VPS13A: variants seen among roughly 807,000 people sequenced by gnomAD.
The protein encoded by VPS13A is intermembrane lipid transfer protein VPS13A.
VPS13A carries 264 observed loss-of-function variants against 390.9 expected under a neutral mutation model. That is an observed-to-expected ratio of 0.68 (90% CI 0.61 to 0.75). The LOEUF (loss-of-function observed/expected upper bound fraction) is 0.75, where lower values mean the gene tolerates loss of function less well. Ranked by LOEUF, VPS13A falls within the 30% of genes least tolerant of loss-of-function variation. The pLI, the probability that VPS13A is intolerant of heterozygous loss-of-function variation, is 0.00. For synonymous variants in VPS13A, 1,231 were observed against 1,227.1 expected (o/e 1.00, Z -0.07); for missense variants, 3,409 against 3,733.9 (o/e 0.91, Z 2.27).
intron 68 of VPS13A, chr9:77,389,968 A>T: frequency 2.2e-6 from 1 of 455,738 alleles, no homozygotes; most frequent in Non-Finnish European, 2.9e-6. Flanking sequence ...AGATGTTTAT[A>T]ATTAGCTTCA....
chr9:77,248,054 A>G (rs1824927276), intron 20 of VPS13A, among the ~76,000 whole-genome samples: 2 of 152,206 alleles, frequency 1.3e-5, no homozygotes, highest in Admixed American at 1.3e-4. Context: ...CTTAAAGTAT[A>G]TAGAATGATA....
chr9:77,314,517 A>G lies in VPS13A; in HGVS notation c.4265A>G (p.Asp1422Gly), dbSNP rs1056828006. Reference protein sequence around the residue: ...PKQASFTDVRDPSLKLAEFKL... With the variant: ...PKQASFTDVRGPSLKLAEFKL... ...TAGGCTTCCTTTACAGATGTTCGTGATCCTTCTCTGAAACTTGCTGAATTT... is the reference window on the plus strand; with the variant it reads ...TAGGCTTCCTTTACAGATGTTCGTGGTCCTTCTCTGAAACTTGCTGAATTT... The change falls in exon 37 of 72, where the codon GAT (aspartate) becomes GGT (glycine). Residue 1422 changes from aspartate to glycine, a missense_variant. Physicochemically the swap from Asp to Gly is moderately conservative, Grantham distance 94. Around this residue, in one of 5 missense-constraint regions of VPS13A, gnomAD observed 2,717 missense variants for 2,917.4 expected, o/e 0.93. Coordinates refer to ENST00000360280, the MANE Select transcript of VPS13A (RefSeq NM_033305.3). The G allele has an allele frequency of 1.9e-6, 3 of 1,612,270 alleles. No homozygotes were observed. The highest frequency in any genetic ancestry group is 2.7e-5 in the African/African-American group (2 of 74,866).
chr9:77,319,622 C>G lies in VPS13A; in HGVS notation c.5364C>G (p.Pro1788=), dbSNP rs1180279422. The change falls in exon 42 of 72, where the codon CCC becomes CCG. Residue 1788 remains proline, a synonymous_variant. Coordinates refer to ENST00000360280, the MANE Select transcript of VPS13A (RefSeq NM_033305.3). ...MFGVWEPLLE[P]LEIDQTEDFR... The stretch of plus-strand genomic sequence containing the variant: ...GTGTATGGGAGCCTTTGCTTGAACC[C>G]TTAGAAATTGATCAGACTGAGGATT... 10 of 1,612,306 alleles carry G rather than the reference C, an allele frequency of 6.2e-6. No homozygotes were observed. Among genetic ancestry groups the G allele is most frequent in the Non-Finnish European group, 8.5e-6 (10 of 1,178,924 alleles).
At chr9:77,377,816 C>T (rs1833192324) in intron 67 of VPS13A, among the ~76,000 whole-genome samples, 1 of 152,110 alleles carries the variant, frequency 6.6e-6, no homozygotes, top group Non-Finnish European at 1.5e-5. Context: ...AGGGGGAAAG[C>T]TTTCAGATGT....
At chr9:77,407,716 G>A in intron 71 of VPS13A, 109 bp downstream of exon 71, 2 of 915,216 alleles carry the variant, frequency 2.2e-6, no homozygotes, top group East Asian at 2.7e-5. Flanking sequence ...TTGTTTGTTT[G>A]TTTTGCTTTT....
chr9:77,406,126 C>A, intron 70 of VPS13A, 139 bp downstream of exon 70: 1 of 1,028,528 alleles, frequency 9.7e-7, no homozygotes, highest in Non-Finnish European at 1.4e-6. Context: ...TACCTGCTAT[C>A]TTACCCAGGC....
chr9:77,305,451 T>C (rs983978058), intron 34 of VPS13A: 1 of 123,150 alleles, frequency 8.1e-6, no homozygotes, highest in Non-Finnish European at 1.8e-5. Flanking sequence ...AACATAAATA[T>C]TATGTTCCAC....
chr9:77,315,751 A>G (rs1478512208), intron 38 of VPS13A, among the ~76,000 whole-genome samples: 2 of 152,074 alleles, frequency 1.3e-5, no homozygotes, highest in African/African-American at 4.8e-5. Context: ...TGTCTAGTGG[A>G]AAAAAACAAG....
intron 68 of VPS13A, chr9:77,385,299 C>A: frequency 2.0e-6 from 1 of 489,482 alleles, no homozygotes; most frequent in Non-Finnish European, 2.7e-6. Context: ...AATTTATAGT[C>A]TGAGAATGAA....
chr9:77,370,931 C>G lies in VPS13A; in HGVS notation c.8949C>G (p.Ile2983Met), dbSNP rs764280036. The change falls in exon 66 of 72, where the codon ATC becomes ATG. Residue 2983 changes from isoleucine to methionine, a missense_variant. Transcript: ENST00000360280. ...TAACAGGAATTGTTACAAAACCAAT[C>G]AAAGGCAAGTATAGTAGTTCCTTTG... ...SGITGIVTKP[I>M]KGAQKGGAAG... 1 of 1,613,968 alleles carries G rather than the reference C, an allele frequency of 6.2e-7. No individual in the cohort carries two copies. The highest frequency in any genetic ancestry group is 1.7e-5 in the Admixed American group (1 of 60,018).
chr9:77,206,021 A>C lies in VPS13A; in HGVS notation c.327A>C (p.Glu109Asp). The change falls in exon 5 of 72, where the codon GAA (glutamate) becomes GAC (aspartate). Residue 109 changes from glutamate to aspartate, a missense_variant. Coordinates refer to ENST00000360280, the MANE Select transcript of VPS13A (RefSeq NM_033305.3). ...DPLKEEKQLM[E>D]AKQQELKRIE... The stretch of plus-strand genomic sequence containing the variant: ...TAAAAGAAGAGAAACAACTCATGGA[A>C]GCAAAGCAACAGGAACTGAAAAGAA... 1 of 1,584,970 alleles carries C rather than the reference A, an allele frequency of 6.3e-7. No homozygotes were observed.
chr9:77,346,444 A>C (rs1198768418), intron 52 of VPS13A, among the ~76,000 whole-genome samples: 1 of 152,134 alleles, frequency 6.6e-6, no homozygotes, highest in Non-Finnish European at 1.5e-5. Flanking sequence ...TCGGATGCAT[A>C]GTTTGCAAAT....
In VPS13A at chr9:77,210,613, T is replaced by C. The variant is rs768562676; in HGVS notation, c.496-3T>C. The C allele has an allele frequency of 2.7e-5, 43 of 1,613,476 alleles. No individual in the cohort carries two copies. The South Asian group carries it at 4.6e-4, about 17-fold the overall frequency. Reference sequence around the variant, plus strand: ...AATAAATTTTACTTTCTTTCCTCTTTAGATCACAAATCGGGACAAACCGCT... The same window carrying C: ...AATAAATTTTACTTTCTTTCCTCTTCAGATCACAAATCGGGACAAACCGCT... On this transcript the variant is annotated splice_region_variant and splice_polypyrimidine_tract_variant and intron_variant, in intron 6 of 71. Transcript: ENST00000360280.
At chr9:77,403,180 C>T in intron 68 of VPS13A, 56 bp from the exon 69 acceptor site, 2 of 1,277,922 alleles carry the variant, frequency 1.6e-6, no homozygotes, top group Non-Finnish European at 2.3e-6. Context: ...GCATTGTTTG[C>T]ATTACAGTAG....
intron 3 of VPS13A, among the ~76,000 whole-genome samples, chr9:77,202,584 A>G (rs891383984): frequency 2.0e-5 from 3 of 152,122 alleles, no homozygotes; most frequent in East Asian, 1.9e-4. Flanking sequence ...ACATATTTTT[A>G]TATAACTTTT....
intron 17 of VPS13A, among the ~76,000 whole-genome samples, 166 bp from the exon 18 acceptor site, chr9:77,237,836 C>G (rs1824243270): frequency 6.6e-6 from 1 of 152,096 alleles, no homozygotes; most frequent in African/African-American, 2.4e-5. Context: ...GTGAATTAAT[C>G]TATGTCAATT....
chr9:77,278,229 C>T (rs915291298), intron 26 of VPS13A, among the ~76,000 whole-genome samples: 14 of 146,806 alleles, frequency 9.5e-5, no homozygotes, highest in Middle Eastern at 6.9e-3. Flanking sequence ...CGCCACCACG[C>T]CCAGCTAATT....
chr9:77,339,822 G>A lies in VPS13A; in HGVS notation c.6685G>A (p.Ala2229Thr), dbSNP rs1167199350. The A allele has an allele frequency of 6.2e-7, 1 of 1,614,034 alleles. No homozygotes were observed. The highest frequency in any genetic ancestry group is 8.5e-7 in the Non-Finnish European group (1 of 1,179,958). ...NKTGRMLQYK[A>T]DGIHRKHPPN... is the part of the protein sequence containing the mutation. ...AACTGGCCGCATGTTACAGTACAAA[G>A]CAGACGGAATTCATCGAAAGCATCC... Residue 2229 changes from alanine (A) to threonine (T), a missense_variant, in exon 48 of 72, where the codon GCA becomes ACA. By Grantham distance (58) the Ala-to-Thr change is moderately conservative. Around this residue, in one of 5 missense-constraint regions of VPS13A, gnomAD observed 2,717 missense variants for 2,917.4 expected, o/e 0.93. Transcript: ENST00000360280.
intron 19 of VPS13A, among the ~76,000 whole-genome samples, chr9:77,241,455 G>T (rs1824493016): frequency 1.4e-5 from 2 of 139,874 alleles, no homozygotes; most frequent in African/African-American, 2.6e-5. Context: ...TTTTTTCAGA[G>T]ATCATAAGTA....
Sources: allele counts gnomAD v4.1 joint callset (sites outside exome capture counted in the v4.1 genomes callset), GRCh38; gene constraint gnomAD v4.1.1; regional missense constraint gnomAD v4.1.1; transcripts MANE v1.5; gene names NCBI Gene and HGNC (gene_info 2026-07-23, HGNC 2026-07-21).